The following EFCAB8 variants were observed in gnomAD, a reference collection of about 807,000 sequenced individuals.
EFCAB8 encodes EF-hand calcium-binding domain-containing protein 8.
EFCAB8 carries 100 observed loss-of-function variants against 116.3 expected under a neutral mutation model. The ratio of observed to expected loss-of-function variants is 0.86; its 90% CI spans 0.73 to 1.02. The LOEUF (loss-of-function observed/expected upper bound fraction) is 1.02, where lower values mean the gene tolerates loss of function less well. EFCAB8 is among the 50% of genes least tolerant of loss of function. EFCAB8 has a pLI of 0.00. For synonymous variants in EFCAB8, 558 were observed against 567.9 expected (o/e 0.98, Z 0.25); for missense variants, 1,320 against 1,416.9 (o/e 0.93, Z 1.10).
rs374403132 is a variant in EFCAB8, at chr20:32,929,589, G to A, written c.2413-809G>A. ...TCTCCTGGGCTCAAGTGATTCACCC[G>A]CCTCGGCCTCCCAAAGTGCTAGGAT... On this transcript the variant is annotated intron_variant, in intron 20 of 26. Transcript: ENST00000400522. Among the ~76,000 whole-genome samples the A allele has an allele frequency of 3.7e-3, 520 of 141,364 alleles. 5 individuals are homozygous for A. The highest frequency in any genetic ancestry group is 0.012 in the African/African-American group (451 of 38,114). 92.7% of individuals were successfully genotyped at this position (141,364 alleles called of 152,430 possible).
intron 23 of EFCAB8, among the ~76,000 whole-genome samples, chr20:32,954,313 T>TA (rs779969554): frequency 2.6e-4 from 40 of 152,350 alleles, no homozygotes; most frequent in Admixed American, 2.1e-3. Flanking sequence ...GTATATGGCA[T>TA]AAAATAACAG....
chr20:32,930,078 G>C (rs1987835712), intron 20 of EFCAB8, among the ~76,000 whole-genome samples: 1 of 152,230 alleles, frequency 6.6e-6, no homozygotes, highest in Non-Finnish European at 1.5e-5. Context: ...TCTTGTCTGA[G>C]CCTATGTCGA....
At position 32,885,648 on chromosome 20, in the gene EFCAB8, G is replaced by T; in HGVS notation, c.567+8G>T. On this transcript the variant is annotated splice_region_variant and intron_variant, in intron 6 of 26. Transcript: ENST00000400522. ...CTGATGAGCTCCTTTAGGGTGAGTG[G>T]GGCCCCTACACATGGTGCACACATG... is the stretch of plus-strand genomic sequence containing the variant. The T allele has an allele frequency of 6.4e-7, 1 of 1,551,638 alleles. No homozygotes were observed. The highest frequency in any genetic ancestry group is 8.7e-7 in the Non-Finnish European group (1 of 1,146,952).
In EFCAB8 at chr20:32,931,578, GA is replaced by G. The variant is rs1987913506; in HGVS notation, c.2790+245del. ...TTGAGACCAGCCTGACCAACATGGTGAAACCCTGTCTCTACTAAAAATACAA... is the reference window on the plus strand; with the variant it reads ...TTGAGACCAGCCTGACCAACATGGTGAACCCTGTCTCTACTAAAAATACAA... On this transcript the variant is annotated intron_variant, in intron 22 of 26. Coordinates refer to ENST00000400522, the MANE Select transcript of EFCAB8 (RefSeq NM_001143967.2). Among the ~76,000 whole-genome samples the G allele has an allele frequency of 2.0e-5, 3 of 152,136 alleles. No individual in the cohort carries two copies. The South Asian group carries it at 6.2e-4, about 31-fold the overall frequency.
At chr20:32,935,188 C>CTTCT (rs1425422102) in intron 22 of EFCAB8, among the ~76,000 whole-genome samples, 90 of 66,846 alleles carry the variant, frequency 1.3e-3, no homozygotes, top group South Asian at 6.3e-3. Flanking sequence ...TTCTTTCTTT[C>CTTCT]TTTCTTTTTT....
intron 23 of EFCAB8, among the ~76,000 whole-genome samples, chr20:32,954,392 C>A (rs1387633446): frequency 1.3e-5 from 2 of 152,166 alleles, no homozygotes; most frequent in Non-Finnish European, 2.9e-5. Flanking sequence ...GACTATCTTT[C>A]CCAATTGAGT....
intron 11 of EFCAB8, among the ~76,000 whole-genome samples, chr20:32,899,296 T>G (rs1315620567): frequency 6.7e-6 from 1 of 150,188 alleles, no homozygotes; most frequent in Non-Finnish European, 1.5e-5. Context: ...TCCCAGCTAC[T>G]CGGGAGGCTG....
rs754022404 is a variant in EFCAB8, at chr20:32,935,188, C to CTTTTTTTTTTTTTTTTTTTTTTTTTTTT, written c.2790+3855_2790+3856insTTTTTTTTTTTTTTTTTTTTTTTTTTTT. On this transcript the variant is annotated intron_variant, in intron 22 of 26. Transcript: ENST00000400522. ...TCTCTTCTCTTTTCTTTCTTTCTTT[C>CTTTTTTTTTTTTTTTTTTTTTTTTTTTT]TTTCTTTTTTTTTTTTTTTTTTTTT... Among the ~76,000 whole-genome samples, 20 of 66,908 alleles carry CTTTTTTTTTTTTTTTTTTTTTTTTTTTT rather than the reference C, an allele frequency of 3.0e-4. 1 individual carries two copies. The highest frequency in any genetic ancestry group is 6.9e-4 in the African/African-American group (9 of 12,968). 43.9% of individuals were successfully genotyped at this position (66,908 alleles called of 152,430 possible). A position where few individuals can be genotyped will look rare whatever the true frequency, so the allele number is the denominator to read the frequency against.
chr20:32,960,995 G>A (rs1018541951), intron 26 of EFCAB8, 141 bp from the exon 27 acceptor site: 4 of 718,484 alleles, frequency 5.6e-6, no homozygotes, highest in African/African-American at 5.3e-5. Flanking sequence ...GTGGTTAGTG[G>A]TAGCCACAGT....
chr20:32,878,932 G>A, intron 5 of EFCAB8, 125 bp downstream of exon 5: 2 of 745,012 alleles, frequency 2.7e-6, no homozygotes, highest in Non-Finnish European at 4.5e-6. Flanking sequence ...GCATCAGCCT[G>A]CTGCCTGATG....
Position 32,959,785 on chromosome 20 carries a change from C to T in EFCAB8, c.3097C>T (p.Arg1033Trp), listed in dbSNP as rs915499328. The T allele has an allele frequency of 8.7e-6, 13 of 1,491,730 alleles. No individual in the cohort carries two copies. Among genetic ancestry groups the T allele is most frequent in the Middle Eastern group, 3.9e-4 (2 of 5,108 alleles). 92.4% of individuals were successfully genotyped at this position (1,491,730 alleles called of 1,614,324 possible). A position where few individuals can be genotyped will look rare whatever the true frequency, so the allele number is the denominator to read the frequency against. The change falls in exon 25 of 27, where the codon CGG becomes TGG. Residue 1033 changes from arginine to tryptophan, a missense_variant. Transcript: ENST00000400522. ...KVLHLELQEQRDLAEALIYQR... is the reference protein window; with the variant it reads ...KVLHLELQEQWDLAEALIYQR... ...GGAAAGCCCCCACACTAGGGAGCAG[C>T]GGGATCTGGCTGAGGCCCTGATATA...
intron 20 of EFCAB8, among the ~76,000 whole-genome samples, chr20:32,922,439 C>T (rs1341499331): frequency 6.6e-6 from 1 of 152,152 alleles, no homozygotes; most frequent in Non-Finnish European, 1.5e-5. Flanking sequence ...TCGCTACATG[C>T]CAGCCGCTGG....
At chr20:32,940,414 A>T (rs568706623) in intron 22 of EFCAB8, among the ~76,000 whole-genome samples, 1 of 149,786 alleles carries the variant, frequency 6.7e-6, no homozygotes, top group South Asian at 2.1e-4. Flanking sequence ...CTACCTCATA[A>T]CACATACAAA....
chr20:32,920,051 G>A (rs1180100317), intron 19 of EFCAB8, 27 bp from the exon 20 acceptor site: 1 of 1,551,682 alleles, frequency 6.4e-7, no homozygotes, highest in South Asian at 1.2e-5. Context: ...CCCTCATGGT[G>A]ACTTGGGTGC....
rs575701695 is a variant in EFCAB8, at chr20:32,922,968, G to A, written c.2412+2753G>A. Reference sequence around the variant, plus strand: ...GGAGGCCAAAGTGGGAGGACTGCTTGAGCCCAGGAGTTCTAGACCAGCTTG... The same window carrying A: ...GGAGGCCAAAGTGGGAGGACTGCTTAAGCCCAGGAGTTCTAGACCAGCTTG... On this transcript the variant is annotated intron_variant, in intron 20 of 26. Transcript: ENST00000400522. 6.6e-5 allele frequency among the ~76,000 whole-genome samples: 10 copies of A among 152,266 alleles called. No homozygotes were observed. The South Asian group carries it at 2.1e-3, about 32-fold the overall frequency.
At chr20:32,959,103 A>G (rs1418339495) in intron 24 of EFCAB8, among the ~76,000 whole-genome samples, 1 of 152,224 alleles carries the variant, frequency 6.6e-6, no homozygotes, top group Admixed American at 6.5e-5. Context: ...GTGTATTGAG[A>G]TCCTACTGAC....
At chr20:32,882,685 C>T (rs1411900618) in intron 5 of EFCAB8, among the ~76,000 whole-genome samples, 4 of 151,688 alleles carry the variant, frequency 2.6e-5, no homozygotes, top group East Asian at 1.9e-4. Flanking sequence ...CACGCCTGGC[C>T]GATTTTTTGT....
At chr20:32,874,888 A>G (rs1476287517) in intron 3 of EFCAB8, among the ~76,000 whole-genome samples, 1 of 152,280 alleles carries the variant, frequency 6.6e-6, no homozygotes, top group Non-Finnish European at 1.5e-5. Context: ...CTGGGATTAC[A>G]GGCATGTGCC....
chr20:32,921,391 G>GTGTGTGTGTGT (rs58219086), intron 20 of EFCAB8, among the ~76,000 whole-genome samples: 2 of 149,268 alleles, frequency 1.3e-5, no homozygotes, highest in African/African-American at 4.9e-5. Context: ...GTGTGTGTGT[G>GTGTGTGTGTGT]TTTTTGTAGA....
Sources: gnomAD v4.1 joint callset for allele counts (sites outside exome capture counted in the v4.1 genomes callset) on GRCh38, gnomAD v4.1.1 for gene constraint, MANE v1.5 for transcripts, NCBI Gene and HGNC (gene_info 2026-07-23, HGNC 2026-07-21) for gene names.